CA8: variants seen among roughly 807,000 people sequenced by gnomAD.
The protein encoded by CA8 is carbonic anhydrase-related protein.
Under a neutral mutation model 41.4 loss-of-function variants are expected in CA8, and 22 were observed. The observed-to-expected ratio is 0.53, with a 90% CI of 0.38 to 0.76. The LOEUF is 0.76. CA8 is among the 30% of genes least tolerant of loss of function. CA8 has a pLI of 0.00. For synonymous variants in CA8, 121 were observed against 130.6 expected (o/e 0.93, Z 0.50); for missense variants, 270 against 352.8 (o/e 0.77, Z 1.88).
At chr8:60,229,168 T>G (rs1807550677) in intron 4 of CA8, among the ~76,000 whole-genome samples, 1 of 151,796 alleles carries the variant, frequency 6.6e-6, no homozygotes, top group Admixed American at 6.6e-5. Flanking sequence ...CTGTTTTTTT[T>G]TTGTTTTTTA....
intron 8 of CA8, among the ~76,000 whole-genome samples, chr8:60,194,701 C>T (rs976164975): frequency 2.0e-5 from 3 of 152,168 alleles, no homozygotes; most frequent in African/African-American, 7.2e-5. Flanking sequence ...TCTGTTGCCA[C>T]CAATTCCTGG....
At chr8:60,233,070 T>A (rs1807713977) in intron 3 of CA8, among the ~76,000 whole-genome samples, 1 of 152,212 alleles carries the variant, frequency 6.6e-6, no homozygotes, top group Non-Finnish European at 1.5e-5. Context: ...CACTTGCTCC[T>A]ACAGCACTGA....
chr8:60,207,596 T>C (rs548692580), intron 8 of CA8, among the ~76,000 whole-genome samples: 62 of 152,314 alleles, frequency 4.1e-4, no homozygotes, highest in African/African-American at 1.3e-3. Context: ...TCTTTGACAC[T>C]TCCATCTCCC....
chr8:60,266,326 A>G (rs538213175), intron 2 of CA8, among the ~76,000 whole-genome samples: 1 of 152,364 alleles, frequency 6.6e-6, no homozygotes, highest in South Asian at 2.1e-4. Context: ...TTTTCAGTCT[A>G]GAAGTAGACA....
rs371009711 is a variant in CA8 at position 60,269,760 on chromosome 8, C to T, written c.293-3711G>A. The stretch of plus-strand genomic sequence containing the variant: ...TGTGCTGGCCACTGAGTGTATAAAG[C>T]GAGGAAGATCCAGCCTTGGTGTTGA... On this transcript the variant is annotated intron_variant, in intron 2 of 8. Transcript: ENST00000317995. 9.9e-5 allele frequency among the ~76,000 whole-genome samples: 15 copies of T among 152,034 alleles called. 2 individuals carry two copies. The highest frequency in any genetic ancestry group is 5.2e-4 in the Admixed American group (8 of 15,264).
intron 3 of CA8, among the ~76,000 whole-genome samples, chr8:60,245,828 T>C (rs1808212213): frequency 6.6e-6 from 1 of 152,182 alleles, no homozygotes; most frequent in South Asian, 2.1e-4. Flanking sequence ...ACAATTCAGA[T>C]AGGAAATTTT....
chr8:60,186,696 A>G lies in CA8; in HGVS notation c.*3325T>C, dbSNP rs2130359327. Among the ~76,000 whole-genome samples the G allele has an allele frequency of 6.6e-6, 1 of 152,152 alleles. No homozygotes were observed. The highest frequency in any genetic ancestry group is 2.1e-4 in the South Asian group (1 of 4,828). ...TAGATTCAAAAATATAAATAAGTTG[A>G]AAGTGAAAAGATGAAAAAAGATACA... On this transcript the variant is annotated 3_prime_UTR_variant, in exon 9 of 9. Transcript: ENST00000317995.
chr8:60,261,961 C>T (rs980537038), intron 3 of CA8, among the ~76,000 whole-genome samples: 14 of 152,192 alleles, frequency 9.2e-5, no homozygotes, highest in African/African-American at 2.7e-4. Context: ...CCGCCCGCCT[C>T]GGCCTCCCAA....
At chr8:60,230,020 C>A (rs1807585700) in intron 4 of CA8, among the ~76,000 whole-genome samples, 1 of 152,208 alleles carries the variant, frequency 6.6e-6, no homozygotes, top group Admixed American at 6.5e-5. Context: ...CAGTGACTGC[C>A]AAATATATTA....
At chr8:60,280,469 T>C (rs73247734) in intron 1 of CA8, among the ~76,000 whole-genome samples, 399 of 152,294 alleles carry the variant, frequency 2.6e-3, no homozygotes, top group African/African-American at 9.4e-3. Context: ...TTGGCTCTAA[T>C]AGGAGCCCTA....
intron 7 of CA8, among the ~76,000 whole-genome samples, chr8:60,217,952 A>G (rs1268683706): frequency 6.6e-6 from 1 of 152,052 alleles, no homozygotes; most frequent in Non-Finnish European, 1.5e-5. Context: ...CCTCCTTACA[A>G]CATTTCTGTG....
chr8:60,190,647 C>T (rs1200407788), intron 8 of CA8, among the ~76,000 whole-genome samples: 5 of 149,756 alleles, frequency 3.3e-5, no homozygotes, highest in African/African-American at 9.8e-5. Flanking sequence ...GGTAATAAAT[C>T]TCTATTAAAA....
At chr8:60,275,862 G>A (rs1249928399) in intron 2 of CA8, among the ~76,000 whole-genome samples, 1 of 152,154 alleles carries the variant, frequency 6.6e-6, no homozygotes, top group African/African-American at 2.4e-5. Flanking sequence ...GAGACACATA[G>A]AGGGGGTTGA....
chr8:60,255,045 TGA>T (rs1325425340), intron 3 of CA8, among the ~76,000 whole-genome samples: 1 of 152,130 alleles, frequency 6.6e-6, no homozygotes, highest in Non-Finnish European at 1.5e-5. Flanking sequence ...GTGGGGAATT[TGA>T]GAGAGTCATC....
chr8:60,262,827 G>T (rs1433281639), intron 3 of CA8, among the ~76,000 whole-genome samples: 1 of 152,244 alleles, frequency 6.6e-6, no homozygotes, highest in African/African-American at 2.4e-5. Context: ...GCTGTGGAAA[G>T]ATGTGTGTTT....
chr8:60,279,957 A>C, intron 1 of CA8, 77 bp from the exon 2 acceptor site: 1 of 1,165,450 alleles, frequency 8.6e-7, no homozygotes, highest in South Asian at 1.4e-5. Context: ...AAAACTAAAC[A>C]CTTAGAACCC....
intron 3 of CA8, among the ~76,000 whole-genome samples, chr8:60,251,818 T>G (rs1051008943): frequency 2.6e-5 from 4 of 152,176 alleles, no homozygotes; most frequent in African/African-American, 4.8e-5. Context: ...GGCAATCAAG[T>G]ATAATTTTTC....
intron 3 of CA8, among the ~76,000 whole-genome samples, chr8:60,247,831 C>T (rs1477088554): frequency 1.3e-5 from 2 of 152,230 alleles, no homozygotes; most frequent in Non-Finnish European, 2.9e-5. Context: ...AATCGCCACA[C>T]TGTATTCCAC....
At chr8:60,231,622 T>A (rs1184665162) in intron 4 of CA8, among the ~76,000 whole-genome samples, 3 of 152,212 alleles carry the variant, frequency 2.0e-5, no homozygotes, top group African/African-American at 7.2e-5. Flanking sequence ...TTCCAGATAC[T>A]CTTTCACCTC....
Sources: allele counts gnomAD v4.1 joint callset (sites outside exome capture counted in the v4.1 genomes callset), GRCh38; gene constraint gnomAD v4.1.1; transcripts MANE v1.5; gene names NCBI Gene and HGNC (gene_info 2026-07-23, HGNC 2026-07-21).